The following HES6 variants were observed in gnomAD, a reference collection of about 807,000 sequenced individuals.
HES6 encodes hes family bHLH transcription factor 6.
HES6 carries 24 observed loss-of-function variants against 16.4 expected under a neutral mutation model. The observed-to-expected ratio is 1.46, with a 90% confidence interval of 1.06 to 2.06. The LOEUF (loss-of-function observed/expected upper bound fraction) is 2.06. Ranked by LOEUF, HES6 falls within the 30% of genes most tolerant of loss-of-function variation. The pLI is 0.00. For synonymous variants in HES6, 159 were observed against 144.3 expected (o/e 1.10, Z -0.73); for missense variants, 355 against 317.6 (o/e 1.12, Z -0.90).
chr2:238,239,378 G>GGGAGCCCTCGCCGCCGACA, intron 3 of HES6, 109 bp downstream of exon 3: 1 of 1,295,168 alleles, frequency 7.7e-7, no homozygotes, highest in East Asian at 2.9e-5. Flanking sequence ...CTGCTCCGGT[G>GGGAGCCCTCGCCGCCGACA]GGAGCCCTCG....
At chr2:238,239,612 A>AGCCCCCCCCCCC in intron 2 of HES6, 44 bp from the exon 3 acceptor site, 2 of 400,644 alleles carry the variant, frequency 5.0e-6, no homozygotes. Flanking sequence ...GCGCTCCCGG[A>AGCCCCCCCCCCC]CCCGCCCGCC....
rs758542820 is a variant in HES6, at chr2:238,239,164, G to A, written c.338C>T (p.Thr113Met). 11 of 1,612,430 alleles carry A rather than the reference G, an allele frequency of 6.8e-6. No individual in the cohort carries two copies. The highest frequency in any genetic ancestry group is 1.7e-5 in the Admixed American group (1 of 60,008). Residue 113 changes from threonine (T) to methionine (M), a missense_variant, in exon 4 of 4, where the codon ACG becomes ATG. Transcript: ENST00000272937. ...CMHEVHTFVS[T>M]CQAIDATVAA... ...GACGGTAGCGTCGATGGCCTGGCAC[G>A]TGGACACGAACGTGTGCACCTCGTG...
rs1180975114 is a variant in HES6, at chr2:238,238,649, G to A, written c.*178C>T. ...GTCCCTAAAAGTTTCTTAAGAAACGGGGCTGGGGCCTGACTGGGCTGGTTA... is the reference window on the plus strand; with the variant it reads ...GTCCCTAAAAGTTTCTTAAGAAACGAGGCTGGGGCCTGACTGGGCTGGTTA... On this transcript the variant is annotated 3_prime_UTR_variant, in exon 4 of 4. Transcript: ENST00000272937. 6.1e-5 allele frequency: 39 copies of A among 642,810 alleles called. No individual in the cohort carries two copies. Among genetic ancestry groups the A allele is most frequent in the Non-Finnish European group, 6.3e-5 (24 of 378,882 alleles). 39.8% of individuals were successfully genotyped at this position (642,810 alleles called of 1,614,324 possible).
chr2:238,239,651 G>GC lies in HES6; in HGVS notation c.168+9dup. The GC allele has an allele frequency of 1.8e-6, 2 of 1,088,120 alleles. No individual in the cohort carries two copies. Among genetic ancestry groups the GC allele is most frequent in the Non-Finnish European group, 2.2e-6 (2 of 896,728 alleles). The allele number at this position is 1,088,120 out of a possible 1,614,324, so 67.4% of individuals were successfully genotyped here. On this transcript the variant is annotated intron_variant, in intron 2 of 3. Coordinates refer to ENST00000272937, the MANE Select transcript of HES6 (RefSeq NM_018645.6). ...CCCGCAGCCCCACGGCGCCTGCCCG[G>GC]CCGCCGCACCTCGGCGCCCGCCAGC... is the stretch of plus-strand genomic sequence containing the variant.
chr2:238,238,964 C>T lies in HES6; in HGVS notation c.538G>A (p.Asp180Asn). 6.2e-7 allele frequency: 1 copy of T among 1,602,786 alleles called. No homozygotes were observed. The highest frequency in any genetic ancestry group is 2.3e-5 in the East Asian group (1 of 44,268). The change falls in exon 4 of 4, where the codon GAC (aspartate) becomes AAC (asparagine). Residue 180 changes from aspartate to asparagine, a missense_variant. Asp to Asn is a conservative substitution (Grantham distance 23, BLOSUM62 1). Coordinates refer to ENST00000272937, the MANE Select transcript of HES6 (RefSeq NM_018645.6). ...PIPSPPGPGD[D>N]LCSDLEEAPE... ...GCCTCCTCCAGGTCGGAGCACAGGT[C>T]GTCCCCAGGACCCGGGGGGCTGGGT... is the stretch of plus-strand genomic sequence containing the variant.
chr2:238,239,829 C>A lies in HES6; in HGVS notation c.77G>T (p.Arg26Leu), dbSNP rs754086328. The change falls in exon 1 of 4, where the codon CGC becomes CTC. Residue 26 changes from arginine (R) to leucine (L), a missense_variant. Arg to Leu is a moderately radical substitution (Grantham distance 102, BLOSUM62 -2). Transcript: ENST00000272937. Reference sequence around the variant, plus strand: ...GCCCATGGCCCCGGCCCGCACCTTGCGGTCCCCTCGCGTCTCCCAGCCGTC... The same window carrying A: ...GCCCATGGCCCCGGCCCGCACCTTGAGGTCCCCTCGCGTCTCCCAGCCGTC... Reference protein sequence around the residue: ...DEDGWETRGDRKARKPLVEKK... With the variant: ...DEDGWETRGDLKARKPLVEKK... 2 of 1,394,636 alleles carry A rather than the reference C, an allele frequency of 1.4e-6. No individual in the cohort carries two copies. Among genetic ancestry groups the A allele is most frequent in the Non-Finnish European group, 1.9e-6 (2 of 1,065,230 alleles). The allele number at this position is 1,394,636 out of a possible 1,614,324, so 86.4% of individuals were successfully genotyped here. A position where few individuals can be genotyped will look rare whatever the true frequency, so the allele number is the denominator to read the frequency against.
rs775750820 is a variant in HES6 at position 238,239,361 on chromosome 2, G to A, written c.251-110C>T. On this transcript the variant is annotated intron_variant, in intron 3 of 3. Transcript: ENST00000272937. ...CGCGGCTCACCCAGGAGACGCGGGGGCGCACCCTGCTCCGGTGGGAGCCCT... is the reference window on the plus strand; with the variant it reads ...CGCGGCTCACCCAGGAGACGCGGGGACGCACCCTGCTCCGGTGGGAGCCCT... The A allele has an allele frequency of 4.1e-4, 545 of 1,334,672 alleles. 1 individual carries two copies. The highest frequency in any genetic ancestry group is 4.9e-4 in the Non-Finnish European group (499 of 1,014,824). The allele number at this position is 1,334,672 out of a possible 1,614,324, so 82.7% of individuals were successfully genotyped here. A position where few individuals can be genotyped will look rare whatever the true frequency, so the allele number is the denominator to read the frequency against.
At chr2:238,239,611 G>GGGGGGCGCCCCC in intron 2 of HES6, 43 bp from the exon 3 acceptor site, 1 of 1,135,692 alleles carries the variant, frequency 8.8e-7, no homozygotes, top group Non-Finnish European at 1.1e-6. Context: ...CGCGCTCCCG[G>GGGGGGCGCCCCC]ACCCGCCCGC....
rs1695271851 is a variant in HES6 at position 238,239,926 on chromosome 2, G to A, written c.-21C>T. 1.7e-6 allele frequency: 2 copies of A among 1,197,686 alleles called. No individual in the cohort carries two copies. The highest frequency in any genetic ancestry group is 1.0e-6 in the Non-Finnish European group (1 of 964,756). 74.2% of individuals were successfully genotyped at this position (1,197,686 alleles called of 1,614,324 possible). ...GCCATGCCCGCTCCGCCGGGGACGC[G>A]GCAGGGGCTAGGAGCAGCGGGGACG... On this transcript the variant is annotated 5_prime_UTR_variant, in exon 1 of 4. Transcript: ENST00000272937.
At position 238,238,467 on chromosome 2, in the gene HES6, A is replaced by C; in HGVS notation, c.*360T>G. The C allele has an allele frequency of 3.3e-5, 10 of 305,118 alleles. No homozygotes were observed. Among genetic ancestry groups the C allele is most frequent in the Non-Finnish European group, 5.6e-5 (9 of 161,590 alleles). The allele number at this position is 305,118 out of a possible 1,614,324, so 18.9% of individuals were successfully genotyped here. On this transcript the variant is annotated 3_prime_UTR_variant, in exon 4 of 4. Coordinates refer to ENST00000272937, the MANE Select transcript of HES6 (RefSeq NM_018645.6). ...TTTGTTTAGCCCAGGGCTGCCTGGA[A>C]CACTAGTGCCCAGCACCATTTCTGC...
rs1218239459 is a variant in HES6 at position 238,238,952 on chromosome 2, C to T, written c.550G>A (p.Asp184Asn). 1.2e-6 allele frequency: 2 copies of T among 1,601,156 alleles called. No individual in the cohort carries two copies. The stretch of plus-strand genomic sequence containing the variant: ...TCAGCCTCAGGGGCCTCCTCCAGGT[C>T]GGAGCACAGGTCGTCCCCAGGACCC... The part of the protein sequence containing the change: ...PPGPGDDLCS[D>N]LEEAPEAELS... The change falls in exon 4 of 4, where the codon GAC (aspartate) becomes AAC (asparagine). Residue 184 changes from aspartate to asparagine, a missense_variant. Physicochemically the swap from Asp to Asn is conservative, Grantham distance 23. Transcript: ENST00000272937.
chr2:238,238,907 C>CA lies in HES6; in HGVS notation c.594dup (p.Glu199Ter). The CA allele has an allele frequency of 6.3e-7, 1 of 1,585,230 alleles. No individual in the cohort carries two copies. The highest frequency in any genetic ancestry group is 1.1e-5 in the South Asian group (1 of 87,708). ...GCTGCGGGCACCAAGTCGGGCCCCTCAGCAGGAGCCTGACTCAGTTCAGCC... is the reference window on the plus strand; with the variant it reads ...GCTGCGGGCACCAAGTCGGGCCCCTCAAGCAGGAGCCTGACTCAGTTCAGCC... On this transcript the variant is annotated frameshift_variant, in exon 4 of 4. Coordinates refer to ENST00000272937, the MANE Select transcript of HES6 (RefSeq NM_018645.6). LOFTEE classifies it high-confidence loss of function.
chr2:238,239,612 A>AACC, intron 2 of HES6, 44 bp from the exon 3 acceptor site: 3 of 400,638 alleles, frequency 7.5e-6, no homozygotes, highest in African/African-American at 2.3e-5. Flanking sequence ...GCGCTCCCGG[A>AACC]CCCGCCCGCC....
chr2:238,238,939 G>T lies in HES6; in HGVS notation c.563C>A (p.Ala188Asp). ...GDDLCSDLEE[A>D]PEAELSQAPA... ...AGCCTGACTCAGTTCAGCCTCAGGG[G>T]CCTCCTCCAGGTCGGAGCACAGGTC... The change falls in exon 4 of 4, where the codon GCC becomes GAC. Residue 188 changes from alanine to aspartate, a missense_variant. Transcript: ENST00000272937. The T allele has an allele frequency of 4.4e-6, 7 of 1,597,724 alleles. No individual in the cohort carries two copies. The highest frequency in any genetic ancestry group is 1.1e-5 in the South Asian group (1 of 89,232).
Position 238,238,580 on chromosome 2 carries a change from T to C in HES6, c.*247A>G. 1 of 530,314 alleles carries C rather than the reference T, an allele frequency of 1.9e-6. No individual in the cohort carries two copies. The highest frequency in any genetic ancestry group is 3.3e-6 in the Non-Finnish European group (1 of 303,046). 32.9% of individuals were successfully genotyped at this position (530,314 alleles called of 1,614,324 possible). A position where few individuals can be genotyped will look rare whatever the true frequency, so the allele number is the denominator to read the frequency against. ...GCTGGCAGCTCTACAAAATTCTTCC[T>C]CCTGCCCGTAGCTCCCTCCCTCCAC... On this transcript the variant is annotated 3_prime_UTR_variant, in exon 4 of 4. Transcript: ENST00000272937.
rs777343242 is a variant in HES6, at chr2:238,239,783, CG to C, written c.82-37del. ...CGGGGCACTGAATCCCAGCCCCGCA[CG>C]GCCTCCCGCCCGCTTGCTCGCCCAT... On this transcript the variant is annotated intron_variant, in intron 1 of 3. Transcript: ENST00000272937. 4.1e-5 allele frequency: 57 copies of C among 1,394,626 alleles called. No homozygotes were observed. In the African/African-American group the frequency reaches 7.7e-4, roughly 19 times the overall value. The allele number at this position is 1,394,626 out of a possible 1,614,324, so 86.4% of individuals were successfully genotyped here.
In HES6 at chr2:238,239,963, G is replaced by A. The variant is rs980939940; in HGVS notation, c.-58C>T. 3.7e-6 allele frequency: 4 copies of A among 1,090,158 alleles called. No individual in the cohort carries two copies. The highest frequency in any genetic ancestry group is 1.6e-5 in the African/African-American group (1 of 60,950). 67.5% of individuals were successfully genotyped at this position (1,090,158 alleles called of 1,614,324 possible). A position where few individuals can be genotyped will look rare whatever the true frequency, so the allele number is the denominator to read the frequency against. On this transcript the variant is annotated 5_prime_UTR_variant, in exon 1 of 4. Coordinates refer to ENST00000272937, the MANE Select transcript of HES6 (RefSeq NM_018645.6). Reference sequence around the variant, plus strand: ...GAGCAGCGGGGACGGGGAGCGGCGGGGACCGGAGTGCCGGCGCCCTCCGCT... The same window carrying A: ...GAGCAGCGGGGACGGGGAGCGGCGGAGACCGGAGTGCCGGCGCCCTCCGCT...
Position 238,238,678 on chromosome 2 carries a change from G to C in HES6, c.*149C>G. 3 of 780,230 alleles carry C rather than the reference G, an allele frequency of 3.8e-6. 1 individual carries two copies. In the South Asian group the frequency reaches 5.2e-5, roughly 13 times the overall value. The allele number at this position is 780,230 out of a possible 1,614,324, so 48.3% of individuals were successfully genotyped here. Reference sequence around the variant, plus strand: ...TGGGGCCTGACTGGGCTGGTTACCAGGGGCTGCCCTGCAAGCCATCCATCA... The same window carrying C: ...TGGGGCCTGACTGGGCTGGTTACCACGGGCTGCCCTGCAAGCCATCCATCA... On this transcript the variant is annotated 3_prime_UTR_variant, in exon 4 of 4. Transcript: ENST00000272937.
chr2:238,238,938 G>C lies in HES6; in HGVS notation c.564C>G (p.Ala188=). 3.8e-6 allele frequency: 6 copies of C among 1,597,818 alleles called. No homozygotes were observed. Among genetic ancestry groups the C allele is most frequent in the Non-Finnish European group, 5.1e-6 (6 of 1,174,042 alleles). ...GAGCCTGACTCAGTTCAGCCTCAGG[G>C]GCCTCCTCCAGGTCGGAGCACAGGT... The part of the protein sequence containing the change: ...GDDLCSDLEE[A]PEAELSQAPA... Residue 188 remains alanine, a synonymous_variant, in exon 4 of 4, where the codon GCC becomes GCG. Coordinates refer to ENST00000272937, the MANE Select transcript of HES6 (RefSeq NM_018645.6).
Sources: allele counts gnomAD v4.1 joint callset, GRCh38; gene constraint gnomAD v4.1.1; transcripts MANE v1.5; gene names NCBI Gene and HGNC (gene_info 2026-07-23, HGNC 2026-07-21).